DOCK6: variants seen among roughly 807,000 people sequenced by gnomAD.
DOCK6 encodes dedicator of cytokinesis protein 6.
Under a neutral mutation model 230.3 loss-of-function variants are expected in DOCK6, and 167 were observed. The observed-to-expected ratio is 0.73, with a 90% CI of 0.64 to 0.82. DOCK6 has a LOEUF of 0.82. Ranked by LOEUF, DOCK6 falls within the 40% of genes least tolerant of loss-of-function variation. DOCK6 has a pLI of 0.00. For missense variants in DOCK6, 2,598 were observed against 2,825.8 expected (o/e 0.92, Z 1.83); for synonymous variants, 1,148 against 1,185.0 (o/e 0.97, Z 0.64).
rs745823995 is a variant in DOCK6 at position 11,252,265 on chromosome 19, C to A, written c.378-17G>T. 1.9e-6 allele frequency: 3 copies of A among 1,578,740 alleles called. No individual in the cohort carries two copies. The highest frequency in any genetic ancestry group is 2.3e-5 in the South Asian group (2 of 86,920). ...TACTGATACCTAGCAGGAAACGGGGCTGGGCAGGTAGGGAGGGCTGAGGGC... is the reference window on the plus strand; with the variant it reads ...TACTGATACCTAGCAGGAAACGGGGATGGGCAGGTAGGGAGGGCTGAGGGC... On this transcript the variant is annotated splice_polypyrimidine_tract_variant and intron_variant, in intron 4 of 47. Transcript: ENST00000294618.
intron 6 of DOCK6, among the ~76,000 whole-genome samples, chr19:11,250,601 T>C (rs1284379244): frequency 6.6e-6 from 1 of 152,024 alleles, no homozygotes. Context: ...TGAGCCACCA[T>C]GCCCGGCCTA....
intron 37 of DOCK6, 126 bp downstream of exon 37, chr19:11,211,650 C>A: frequency 1.4e-6 from 1 of 692,616 alleles, no homozygotes; most frequent in South Asian, 1.9e-5. Context: ...CCCTCACTTG[C>A]CTCTGTTAGG....
intron 22 of DOCK6, chr19:11,232,076 C>A: frequency 4.0e-6 from 3 of 741,272 alleles, no homozygotes; most frequent in Non-Finnish European, 5.7e-6. Context: ...GAGGGGTCTG[C>A]CACCTCCTTC....
chr19:11,246,160 G>A (rs1217814925), intron 7 of DOCK6, among the ~76,000 whole-genome samples: 51 of 150,406 alleles, frequency 3.4e-4, no homozygotes, highest in Non-Finnish European at 6.2e-4. Flanking sequence ...TCTGCCTCCC[G>A]GGTTTAAGCA....
chr19:11,251,025 C>T lies in DOCK6; in HGVS notation c.569G>A (p.Ser190Asn). 6.2e-7 allele frequency: 1 copy of T among 1,613,716 alleles called. No homozygotes were observed. Among genetic ancestry groups the T allele is most frequent in the Non-Finnish European group, 8.5e-7 (1 of 1,179,812 alleles). ...EDTPRSSGAS[S>N]IFDLRNLAAD... Reference sequence around the variant, plus strand: ...TGCCAGGTTCCTCAGGTCGAAGATGCTAGAGGCACCACTGCTTCGAGGGGT... The same window carrying T: ...TGCCAGGTTCCTCAGGTCGAAGATGTTAGAGGCACCACTGCTTCGAGGGGT... Residue 190 changes from serine (S) to asparagine (N), a missense_variant, in exon 6 of 48, where the codon AGC becomes AAC. Coordinates refer to ENST00000294618, the MANE Select transcript of DOCK6 (RefSeq NM_020812.4).
chr19:11,213,276 A>G lies in DOCK6; in HGVS notation c.4391T>C (p.Leu1464Pro), dbSNP rs1470587641. 3 of 1,612,892 alleles carry G rather than the reference A, an allele frequency of 1.9e-6. No homozygotes were observed. Among genetic ancestry groups the G allele is most frequent in the Non-Finnish European group, 2.5e-6 (3 of 1,179,876 alleles). ...EDTELCADLC[L>P]RLLRHCGSRI... is the part of the protein sequence containing the mutation. ...GCTGCCACAGTGTCGTAGGAGCCTCAGGCACAGGTCGGCACACAGCTCCGT... is the reference window on the plus strand; with the variant it reads ...GCTGCCACAGTGTCGTAGGAGCCTCGGGCACAGGTCGGCACACAGCTCCGT... Residue 1464 changes from leucine to proline, a missense_variant, in exon 35 of 48, where the codon CTG (leucine) becomes CCG (proline). Coordinates refer to ENST00000294618, the MANE Select transcript of DOCK6 (RefSeq NM_020812.4).
intron 39 of DOCK6, among the ~76,000 whole-genome samples, chr19:11,207,108 C>T (rs2079275067): frequency 6.6e-6 from 1 of 152,100 alleles, no homozygotes. Flanking sequence ...GCTGGGATTA[C>T]AGGAGTCAGC....
chr19:11,253,676 G>A lies in DOCK6; in HGVS notation c.95C>T (p.Ser32Phe). 6.8e-7 allele frequency: 1 copy of A among 1,466,370 alleles called. No individual in the cohort carries two copies. The highest frequency in any genetic ancestry group is 1.5e-5 in the African/African-American group (1 of 67,130). 90.8% of individuals were successfully genotyped at this position (1,466,370 alleles called of 1,614,324 possible). The change falls in exon 2 of 48, where the codon TCC (serine) becomes TTC (phenylalanine). Residue 32 changes from serine to phenylalanine, a missense_variant. Transcript: ENST00000294618. ...GCTGCAGCGCCTGCTGGAGTGGGGG[G>A]AGCCACTGCGTTCCCGGGACACCTG... ...RKQVSRERSG[S>F]PHSSRRCSSS...
intron 18 of DOCK6, 177 bp downstream of exon 18, chr19:11,237,279 G>T: frequency 1.5e-6 from 1 of 673,556 alleles, no homozygotes; most frequent in Non-Finnish European, 2.6e-6. Context: ...GGGAATCTTT[G>T]GGGAGGACAT....
Position 11,252,812 on chromosome 19 carries a change from C to G in DOCK6, c.279G>C (p.Arg93=), listed in dbSNP as rs1187465501. The G allele has an allele frequency of 1.2e-6, 2 of 1,612,506 alleles. No individual in the cohort carries two copies. The highest frequency in any genetic ancestry group is 2.7e-5 in the African/African-American group (2 of 74,892). The part of the protein sequence containing the change: ...LELLLQPREC[R]TTEPGIPKDE... Reference sequence around the variant, plus strand: ...CCTTGGGGATCCCGGGCTCCGTGGTCCGGCATTCCCGGGGCTGCAGCAGCA... The same window carrying G: ...CCTTGGGGATCCCGGGCTCCGTGGTGCGGCATTCCCGGGGCTGCAGCAGCA... The change falls in exon 3 of 48, where the codon CGG becomes CGC. Residue 93 remains arginine (R), a synonymous_variant. Transcript: ENST00000294618.
intron 24 of DOCK6, among the ~76,000 whole-genome samples, chr19:11,224,541 G>A (rs1292950137): frequency 6.6e-6 from 1 of 152,048 alleles, no homozygotes; most frequent in Non-Finnish European, 1.5e-5. Context: ...CTTAACAGAC[G>A]GGGGTGACAT....
chr19:11,217,075 G>T lies in DOCK6; in HGVS notation c.3733C>A (p.Leu1245Ile). Residue 1245 changes from leucine to isoleucine, a missense_variant, in exon 30 of 48, where the codon CTC (leucine) becomes ATC (isoleucine). Coordinates refer to ENST00000294618, the MANE Select transcript of DOCK6 (RefSeq NM_020812.4). ...PPTASRAGCALSAESSRTLLA... is the reference protein window; with the variant it reads ...PPTASRAGCAISAESSRTLLA... ...AAGGTCCGGCTTGACTCAGCAGAGA[G>T]GGCACAGCCTGCGCGAGAAGCCTGG... 6.2e-7 allele frequency: 1 copy of T among 1,612,922 alleles called. No homozygotes were observed.
At position 11,200,851 on chromosome 19, in the gene DOCK6, G is replaced by A; in HGVS notation, c.5833-29C>T. On this transcript the variant is annotated intron_variant, in intron 45 of 47. Transcript: ENST00000294618. This position sits in a 1 kb window ranked among gnomAD's most constrained non-coding sequence, Gnocchi z 4.3. ...TGGGGTGAGAGGGACTGGTGAGCCA[G>A]CCTGCATGGCACCTGGAGTCCCCCG... 5 of 1,613,256 alleles carry A rather than the reference G, an allele frequency of 3.1e-6. No homozygotes were observed. The highest frequency in any genetic ancestry group is 2.7e-5 in the African/African-American group (2 of 75,006).
rs554507991 is a variant in DOCK6 at position 11,255,692 on chromosome 19, C to T, written c.45-1966G>A. ...GCTTTGGGCAGGTAGGATACCCTCT[C>T]TGGGCCTTAGTCCCTCTTAAAATAG... On this transcript the variant is annotated intron_variant, in intron 1 of 47. Transcript: ENST00000294618. 1.1e-4 allele frequency among the ~76,000 whole-genome samples: 17 copies of T among 152,344 alleles called. No homozygotes were observed. The South Asian group carries it at 3.5e-3, about 32-fold the overall frequency.
Position 11,213,057 on chromosome 19 carries a change from C to T in DOCK6, c.4491+119G>A, listed in dbSNP as rs1600867294. ...GACCCCCAATTGCATTCTGAGCCCT[C>T]CTCCTGCTCATTATGCTCAATGACT... On this transcript the variant is annotated intron_variant, in intron 35 of 47. Coordinates refer to ENST00000294618, the MANE Select transcript of DOCK6 (RefSeq NM_020812.4). The T allele has an allele frequency of 3.7e-6, 5 of 1,350,328 alleles. No individual in the cohort carries two copies. The East Asian group carries it at 9.8e-5, about 26-fold the overall frequency. 83.6% of individuals were successfully genotyped at this position (1,350,328 alleles called of 1,614,324 possible).
chr19:11,206,552 C>T (rs964740698), intron 39 of DOCK6, among the ~76,000 whole-genome samples: 1 of 151,144 alleles, frequency 6.6e-6, no homozygotes, highest in Non-Finnish European at 1.5e-5. Context: ...GAGAGTAAGA[C>T]CCTGTCTCAG....
intron 24 of DOCK6, among the ~76,000 whole-genome samples, chr19:11,223,427 T>C (rs905302001): frequency 5.9e-5 from 9 of 152,030 alleles, no homozygotes; most frequent in African/African-American, 2.2e-4. Flanking sequence ...TTCTGGCCAA[T>C]GGGATTTGAG....
chr19:11,229,463 C>A (rs916411386), intron 22 of DOCK6: 2 of 724,708 alleles, frequency 2.8e-6, no homozygotes, highest in Non-Finnish European at 3.4e-6. Context: ...GGAGGAAAGA[C>A]GTGTTCACAC....
At chr19:11,217,528 G>T in intron 28 of DOCK6, 137 bp from the exon 29 acceptor site, 3 of 1,156,450 alleles carry the variant, frequency 2.6e-6, no homozygotes, top group Non-Finnish European at 3.7e-6. Context: ...AGGCAGAGGC[G>T]GGTGGATCAC....
Sources: allele counts gnomAD v4.1 joint callset (sites outside exome capture counted in the v4.1 genomes callset), GRCh38; gene constraint gnomAD v4.1.1; non-coding constraint Gnocchi (gnomAD v3.1); transcripts MANE v1.5; gene names NCBI Gene and HGNC (gene_info 2026-07-23, HGNC 2026-07-21).